Variants in MACROD2 observed in about 807,000 individuals in gnomAD.
The protein encoded by MACROD2 is ADP-ribose glycohydrolase MACROD2.
MACROD2 carries 36 observed loss-of-function variants against 70.4 expected under a neutral mutation model. The observed-to-expected ratio is 0.51, with a 90% confidence interval of 0.39 to 0.68. The LOEUF is 0.68. Among genes scored for constraint, MACROD2 ranks in the 30% least tolerant of loss-of-function variants. The pLI is 0.00. For missense variants in MACROD2, 496 were observed against 538.4 expected (o/e 0.92, Z 0.78); for synonymous variants, 172 against 178.8 (o/e 0.96, Z 0.30).
At chr20:14,031,045 T>C (rs1233350957) in intron 2 of MACROD2, among the ~76,000 whole-genome samples, 3 of 152,200 alleles carry the variant, frequency 2.0e-5, no homozygotes, top group Non-Finnish European at 2.9e-5. Flanking sequence ...TTAACACTCC[T>C]AATTTAGTTT....
intron 5 of MACROD2, among the ~76,000 whole-genome samples, chr20:14,909,726 G>A (rs1464235707): frequency 6.6e-6 from 1 of 151,954 alleles, no homozygotes; most frequent in Admixed American, 6.6e-5. Context: ...ACCTGCCACT[G>A]CTTCTACCTA....
rs11476474 is a variant in MACROD2, at chr20:15,602,027, C to CA, written c.645+102191dup. On this transcript the variant is annotated intron_variant, in intron 8 of 17. Transcript: ENST00000684519. ...TGGACAACAGAGCGAGACTCAGTCT[C>CA]AAAAAAAAAAAGAACTTGAACTGTT... Among the ~76,000 whole-genome samples the CA allele has an allele frequency of 2.2e-3, 324 of 147,540 alleles. 6 individuals carry two copies. The East Asian group carries it at 0.053, about 24-fold the overall frequency.
intron 5 of MACROD2, among the ~76,000 whole-genome samples, chr20:14,838,442 T>A (rs1339900314): frequency 6.6e-6 from 1 of 152,118 alleles, no homozygotes; most frequent in East Asian, 1.9e-4. Context: ...TATCTTGTGT[T>A]AGTTGACTAA....
chr20:15,823,275 CGTGTGTGT>C lies in MACROD2; in HGVS notation c.646-39431_646-39424del, dbSNP rs11471023. Among the ~76,000 whole-genome samples the C allele has an allele frequency of 9.8e-4, 126 of 128,734 alleles. 1 individual carries two copies. Among genetic ancestry groups the C allele is most frequent in the South Asian group, 2.2e-3 (8 of 3,718 alleles). The allele number at this position is 128,734 out of a possible 152,430, so 84.5% of individuals were successfully genotyped here. On this transcript the variant is annotated intron_variant, in intron 8 of 17. Coordinates refer to ENST00000684519, the MANE Select transcript of MACROD2 (RefSeq NM_001351661.2). ...ATAAGATAGCAGCAGGTGAGCTCTT[CGTGTGTGT>C]GTGTGTGTGTGTGTGTGTGTGTGTG...
At chr20:14,181,830 T>C (rs1362503346) in intron 3 of MACROD2, among the ~76,000 whole-genome samples, 1 of 152,242 alleles carries the variant, frequency 6.6e-6, no homozygotes, top group Non-Finnish European at 1.5e-5. Context: ...TTCATTCTTT[T>C]TGATGGCCAA....
intron 2 of MACROD2, among the ~76,000 whole-genome samples, chr20:14,082,016 AT>A (rs888628014): frequency 6.6e-6 from 1 of 152,148 alleles, no homozygotes; most frequent in African/African-American, 2.4e-5. Context: ...CAGTATATTT[AT>A]TCAATAAATA....
intron 6 of MACROD2, among the ~76,000 whole-genome samples, chr20:15,312,273 G>C (rs1247096939): frequency 6.6e-6 from 1 of 152,206 alleles, no homozygotes; most frequent in Non-Finnish European, 1.5e-5. Flanking sequence ...TATTTGACAT[G>C]TAGAAATTGG....
chr20:15,618,148 C>T (rs1487893789), intron 8 of MACROD2, among the ~76,000 whole-genome samples: 45 of 109,562 alleles, frequency 4.1e-4, no homozygotes, highest in African/African-American at 1.5e-3. Context: ...CTGAAAAAGT[C>T]CTTTGGGCTC....
In MACROD2 at chr20:14,336,321, G is replaced by GA. The variant is rs894729997; in HGVS notation, c.272-157149dup. Among the ~76,000 whole-genome samples the GA allele has an allele frequency of 1.7e-4, 25 of 147,974 alleles. No homozygotes were observed. In the East Asian group the frequency reaches 2.0e-3, roughly 12 times the overall value. ...CATTAGAGATTTTGGACTAAAAATT[G>GA]AAAAAAAAATCAATTTTTTTTCTTT... is the stretch of plus-strand genomic sequence containing the variant. On this transcript the variant is annotated intron_variant, in intron 3 of 17. Transcript: ENST00000684519.
intron 5 of MACROD2, among the ~76,000 whole-genome samples, chr20:14,988,977 AAC>A (rs1404119947): frequency 6.6e-6 from 1 of 152,150 alleles, no homozygotes; most frequent in Non-Finnish European, 1.5e-5. Flanking sequence ...TAAAAGAAGA[AAC>A]ACAGGTAAGA....
intron 4 of MACROD2, among the ~76,000 whole-genome samples, chr20:14,579,289 C>A (rs1980844378): frequency 6.6e-6 from 1 of 151,258 alleles, no homozygotes; most frequent in Non-Finnish European, 1.5e-5. Flanking sequence ...CTACAGGCGC[C>A]CGCCACCGCG....
At chr20:14,503,377 A>G (rs1006615503) in intron 4 of MACROD2, among the ~76,000 whole-genome samples, 4 of 152,158 alleles carry the variant, frequency 2.6e-5, no homozygotes, top group Non-Finnish European at 5.9e-5. Context: ...TGAGGTCAGT[A>G]TATAGACCCC....
At chr20:14,679,468 T>G (rs1171910917) in intron 4 of MACROD2, among the ~76,000 whole-genome samples, 1 of 152,126 alleles carries the variant, frequency 6.6e-6, no homozygotes, top group Non-Finnish European at 1.5e-5. Context: ...GAACAACATT[T>G]ATGAAGGGTC....
chr20:15,160,566 C>T (rs1008388748), intron 5 of MACROD2, among the ~76,000 whole-genome samples: 1 of 152,050 alleles, frequency 6.6e-6, no homozygotes, highest in Admixed American at 6.6e-5. Context: ...TAATGACCTC[C>T]TATTCTATGG....
intron 4 of MACROD2, among the ~76,000 whole-genome samples, chr20:14,660,431 TTTAAC>T (rs1471270948): frequency 1.3e-5 from 2 of 152,218 alleles, no homozygotes; most frequent in African/African-American, 2.4e-5. Flanking sequence ...CCTAAAGAAC[TTTAAC>T]TTATTTGCTA....
At chr20:15,610,411 G>A (rs570728731) in intron 8 of MACROD2, among the ~76,000 whole-genome samples, 8 of 152,232 alleles carry the variant, frequency 5.3e-5, no homozygotes, top group East Asian at 1.9e-4. Context: ...TCTGATGGCC[G>A]TCGGCAACCC....
At chr20:15,149,259 G>A (rs890556511) in intron 5 of MACROD2, among the ~76,000 whole-genome samples, 4 of 152,016 alleles carry the variant, frequency 2.6e-5, no homozygotes, top group Admixed American at 6.5e-5. Context: ...AGATTTCCAC[G>A]ATGCAAAGGA....
chr20:15,403,937 G>A (rs2045964040), intron 6 of MACROD2, among the ~76,000 whole-genome samples: 1 of 152,170 alleles, frequency 6.6e-6, no homozygotes, highest in Admixed American at 6.5e-5. Flanking sequence ...ACAAGGGAAT[G>A]TATAAAGCAA....
At chr20:14,384,419 G>A (rs181946191) in intron 3 of MACROD2, among the ~76,000 whole-genome samples, 135 of 152,180 alleles carry the variant, frequency 8.9e-4, no homozygotes, top group African/African-American at 3.0e-3. Flanking sequence ...CACTAAGAAA[G>A]GAAATAACTA....
Sources: allele counts gnomAD v4.1 joint callset (sites outside exome capture counted in the v4.1 genomes callset), GRCh38; gene constraint gnomAD v4.1.1; transcripts MANE v1.5; gene names NCBI Gene and HGNC (gene_info 2026-07-23, HGNC 2026-07-21).